BMS1: variants seen among roughly 807,000 people sequenced by gnomAD.
The protein encoded by BMS1 is BMS1 ribosome biogenesis factor.
In BMS1, 53 loss-of-function variants were observed where a neutral mutation model predicts 138.7. The observed-to-expected ratio is 0.38, with a 90% CI of 0.31 to 0.48. The LOEUF is 0.48. Ranked by LOEUF, BMS1 falls within the 20% of genes least tolerant of loss-of-function variation. The pLI, the probability that BMS1 is intolerant of heterozygous loss-of-function variation, is 0.97. For missense variants in BMS1, 1,360 were observed against 1,565.5 expected (o/e 0.87, Z 2.22); for synonymous variants, 504 against 539.9 (o/e 0.93, Z 0.92).
At chr10:42,818,532 G>A (rs982546472) in intron 15 of BMS1, among the ~76,000 whole-genome samples, 2 of 152,206 alleles carry the variant, frequency 1.3e-5, no homozygotes, top group African/African-American at 4.8e-5. Flanking sequence ...GGATTTCCTG[G>A]TGGACTGAAT....
chr10:42,815,791 T>C (rs1842331642), intron 13 of BMS1, among the ~76,000 whole-genome samples: 1 of 152,236 alleles, frequency 6.6e-6, no homozygotes, highest in South Asian at 2.1e-4. Context: ...GAATAAGCTC[T>C]TCCCATGGGT....
rs529253946 is a variant in BMS1 at position 42,805,618 on chromosome 10, A to G, written c.2329+3400A>G. On this transcript the variant is annotated intron_variant, in intron 13 of 22. Transcript: ENST00000374518. ...ACATTGAGTTTTCTGATCTATGAAC[A>G]TAGTAACTCTCCATTTATCTTGTTC... Among the ~76,000 whole-genome samples the G allele has an allele frequency of 2.0e-5, 3 of 152,222 alleles. 1 individual carries two copies. In the South Asian group the frequency reaches 6.2e-4, roughly 32 times the overall value.
chr10:42,808,402 C>T (rs770398330), intron 13 of BMS1, among the ~76,000 whole-genome samples: 2 of 151,660 alleles, frequency 1.3e-5, no homozygotes, highest in African/African-American at 2.4e-5. Context: ...GGGTTCATGC[C>T]ATTCTCCTGC....
At chr10:42,785,419 C>T (rs1315741938) in intron 2 of BMS1, 63 bp from the exon 3 acceptor site, 3 of 1,454,382 alleles carry the variant, frequency 2.1e-6, no homozygotes, top group Non-Finnish European at 1.8e-6. Context: ...AAGGTTGATA[C>T]CTTTTACTCT....
At position 42,797,537 on chromosome 10, in the gene BMS1, G is replaced by T. The variant is rs776581624; in HGVS notation, c.2089+14G>T. ...TTTATGGGACAGGTAAAGAATTCTG[G>T]TTCAGAACTAGAAATGTTTTAGTTT... On this transcript the variant is annotated intron_variant, in intron 11 of 22. Coordinates refer to ENST00000374518, the MANE Select transcript of BMS1 (RefSeq NM_014753.4). 4 of 1,610,384 alleles carry T rather than the reference G, an allele frequency of 2.5e-6. No homozygotes were observed. The highest frequency in any genetic ancestry group is 3.4e-6 in the Non-Finnish European group (4 of 1,176,722).
intron 13 of BMS1, among the ~76,000 whole-genome samples, chr10:42,806,737 G>GAAAAAAAA (rs35466848): frequency 1.0e-5 from 1 of 99,410 alleles, no homozygotes; most frequent in Non-Finnish European, 2.1e-5. Flanking sequence ...TCCGTCTCAG[G>GAAAAAAAA]AAAAAAAAAA....
chr10:42,810,993 TTC>T (rs1452914201), intron 13 of BMS1, among the ~76,000 whole-genome samples: 1 of 152,164 alleles, frequency 6.6e-6, no homozygotes, highest in Non-Finnish European at 1.5e-5. Context: ...TTCATTGATT[TTC>T]TCTGTTTTTC....
At position 42,796,529 on chromosome 10, in the gene BMS1, C is replaced by T. The variant is rs748277670; in HGVS notation, c.1285C>T (p.Arg429Trp). The T allele has an allele frequency of 2.5e-6, 4 of 1,613,950 alleles. No individual in the cohort carries two copies. The highest frequency in any genetic ancestry group is 2.2e-5 in the South Asian group (2 of 91,070). Reference protein sequence around the residue: ...QMDLNTGRMRRKAIFGDEDES... With the variant: ...QMDLNTGRMRWKAIFGDEDES... ...GGACTTGAACACTGGTCGAATGCGT[C>T]GGAAAGCCATTTTCGGAGATGAAGA... is the stretch of plus-strand genomic sequence containing the variant. Residue 429 changes from arginine to tryptophan, a missense_variant, in exon 10 of 23, where the codon CGG (arginine) becomes TGG (tryptophan). Transcript: ENST00000374518.
Position 42,834,030 on chromosome 10 carries a change from A to C in BMS1, c.*2934A>C, listed in dbSNP as rs1300561217. 1 of 152,224 alleles carries C rather than the reference A, an allele frequency of 6.6e-6. No individual in the cohort carries two copies. The highest frequency in any genetic ancestry group is 1.5e-5 in the Non-Finnish European group (1 of 68,036). The allele number at this position is 152,224 out of a possible 1,614,324, so 9.4% of individuals were successfully genotyped here. A position where few individuals can be genotyped will look rare whatever the true frequency, so the allele number is the denominator to read the frequency against. ...GAAATATTTTAACAATGTTTATAGA[A>C]ACCTTTCTCAATTGTATTAAACTTT... On this transcript the variant is annotated 3_prime_UTR_variant, in exon 23 of 23. Transcript: ENST00000374518.
intron 11 of BMS1, 34 bp downstream of exon 11, chr10:42,797,557 T>C: frequency 5.6e-6 from 9 of 1,594,158 alleles, no homozygotes; most frequent in Non-Finnish European, 7.7e-6. Flanking sequence ...AGAAATGTTT[T>C]AGTTTCTCTG....
chr10:42,830,170 A>G, intron 21 of BMS1, 91 bp from the exon 22 acceptor site: 1 of 1,453,854 alleles, frequency 6.9e-7, no homozygotes, highest in Non-Finnish European at 9.4e-7. Flanking sequence ...TCTTGTGGAA[A>G]AGTCAACCCA....
intron 13 of BMS1, among the ~76,000 whole-genome samples, chr10:42,813,751 T>C (rs1842256943): frequency 1.3e-5 from 2 of 152,232 alleles, no homozygotes; most frequent in Admixed American, 1.3e-4. Flanking sequence ...ATTTTTTGTA[T>C]TGTGGAAATG....
At chr10:42,823,317 T>A in intron 20 of BMS1, 52 bp downstream of exon 20, 1 of 1,497,158 alleles carries the variant, frequency 6.7e-7, no homozygotes, top group Admixed American at 2.4e-5. Context: ...CATGCTTGAC[T>A]TCTAGCCAGT....
chr10:42,810,385 T>C (rs1842137674), intron 13 of BMS1, among the ~76,000 whole-genome samples: 1 of 152,220 alleles, frequency 6.6e-6, no homozygotes, highest in South Asian at 2.1e-4. Context: ...ATTCCATTTA[T>C]AGTACTTTGT....
In BMS1 at chr10:42,832,459, C is replaced by T. The variant is rs1485847135; in HGVS notation, c.*1363C>T. On this transcript the variant is annotated 3_prime_UTR_variant, in exon 23 of 23. Coordinates refer to ENST00000374518, the MANE Select transcript of BMS1 (RefSeq NM_014753.4). ...AAATTATACATATATGTATGTAGAA[C>T]ACTTCATGAATTTGTGTGTCATCTG... The T allele has an allele frequency of 6.6e-6, 1 of 152,028 alleles. No individual in the cohort carries two copies. Among genetic ancestry groups the T allele is most frequent in the East Asian group, 1.9e-4 (1 of 5,182 alleles). 9.4% of individuals were successfully genotyped at this position (152,028 alleles called of 1,614,324 possible).
rs930504809 is a variant in BMS1, at chr10:42,797,208, A to G, written c.1964A>G (p.Asn655Ser). 1 of 1,604,118 alleles carries G rather than the reference A, an allele frequency of 6.2e-7. No individual in the cohort carries two copies. The highest frequency in any genetic ancestry group is 8.5e-7 in the Non-Finnish European group (1 of 1,175,862). Residue 655 changes from asparagine to serine, a missense_variant, in exon 10 of 23, where the codon AAT (asparagine) becomes AGT (serine). Coordinates refer to ENST00000374518, the MANE Select transcript of BMS1 (RefSeq NM_014753.4). ...GAGGAAGAAGATTACAAGGAAGAAA[A>G]TAATGATTCCAAAGAAACGTCAGGT... ...LKEEEDYKEE[N>S]NDSKETSGAL...
rs1267473519 is a variant in BMS1 at position 42,834,750 on chromosome 10, A to C, written c.*3654A>C. Reference sequence around the variant, plus strand: ...GTCTTTTCTTAAGCAAAGTTTGGACACTCTAAAATAAGGTTGCCAACTGGC... The same window carrying C: ...GTCTTTTCTTAAGCAAAGTTTGGACCCTCTAAAATAAGGTTGCCAACTGGC... On this transcript the variant is annotated 3_prime_UTR_variant, in exon 23 of 23. Coordinates refer to ENST00000374518, the MANE Select transcript of BMS1 (RefSeq NM_014753.4). 1 of 151,982 alleles carries C rather than the reference A, an allele frequency of 6.6e-6. No individual in the cohort carries two copies. Among genetic ancestry groups the C allele is most frequent in the Non-Finnish European group, 1.5e-5 (1 of 68,006 alleles). The allele number at this position is 151,982 out of a possible 1,614,324, so 9.4% of individuals were successfully genotyped here.
rs1842788800 is a variant in BMS1 at position 42,831,044 on chromosome 10, AAAG to A, written c.3803_3805del (p.Arg1268del). 6.3e-7 allele frequency: 1 copy of A among 1,586,344 alleles called. No homozygotes were observed. The highest frequency in any genetic ancestry group is 1.3e-5 in the African/African-American group (1 of 74,490). ...CTCTTCAGAATTCAGGGGCAGAAGGAAAGAAGAAACCAGAAGTCCAGTTTGAAG... is the reference window on the plus strand; with the variant it reads ...CTCTTCAGAATTCAGGGGCAGAAGGAAAGAAACCAGAAGTCCAGTTTGAAG... On this transcript the variant is annotated inframe_deletion, in exon 23 of 23. Coordinates refer to ENST00000374518, the MANE Select transcript of BMS1 (RefSeq NM_014753.4).
At chr10:42,795,895 C>A (rs1445609162) in intron 9 of BMS1, among the ~76,000 whole-genome samples, 2 of 152,168 alleles carry the variant, frequency 1.3e-5, no homozygotes, top group Non-Finnish European at 2.9e-5. Context: ...GGTATCACTG[C>A]TGACTAATGC....
Sources: allele counts gnomAD v4.1 joint callset (sites outside exome capture counted in the v4.1 genomes callset), GRCh38; gene constraint gnomAD v4.1.1; transcripts MANE v1.5; gene names NCBI Gene and HGNC (gene_info 2026-07-23, HGNC 2026-07-21).